CDH18: variants seen among roughly 807,000 people sequenced by gnomAD.
CDH18 encodes the protein cadherin 18, also known as cadherin-18.
In CDH18, 31 loss-of-function variants were observed where a neutral mutation model predicts 67.9. The ratio of observed to expected loss-of-function variants is 0.46; its 90% CI spans 0.34 to 0.62. The LOEUF (loss-of-function observed/expected upper bound fraction) is 0.62. Ranked by LOEUF, CDH18 falls within the 20% of genes least tolerant of loss-of-function variation. The pLI is 0.01. For missense variants in CDH18, 890 were observed against 975.5 expected (o/e 0.91, Z 1.17); for synonymous variants, 362 against 347.2 (o/e 1.04, Z -0.48).
At chr5:19,979,565 T>C (rs1311954708) in intron 2 of CDH18, among the ~76,000 whole-genome samples, 1 of 152,096 alleles carries the variant, frequency 6.6e-6, no homozygotes, top group Non-Finnish European at 1.5e-5. Context: ...GTAGCATAAA[T>C]TGAGGTTGAC....
chr5:19,756,549 T>TAA, intron 3 of CDH18, among the ~76,000 whole-genome samples: 1 of 152,212 alleles, frequency 6.6e-6, no homozygotes, highest in African/African-American at 2.4e-5. Flanking sequence ...CAAATGGATC[T>TAA]CCTGTATCCC....
chr5:20,166,439 CAAA>C (rs796889478), intron 2 of CDH18, among the ~76,000 whole-genome samples: 1 of 74,756 alleles, frequency 1.3e-5, no homozygotes, highest in Non-Finnish European at 2.5e-5. Context: ...GACTCTGTCT[CAAA>C]AAAAAAAAAA....
intron 1 of CDH18, among the ~76,000 whole-genome samples, chr5:20,418,017 G>C (rs577715043): frequency 6.6e-6 from 1 of 152,032 alleles, no homozygotes; most frequent in Non-Finnish European, 1.5e-5. Context: ...AATGAGGAAC[G>C]GGGAAGTTGA....
chr5:19,503,552 T>C (rs1177261301), intron 10 of CDH18, among the ~76,000 whole-genome samples: 1 of 152,088 alleles, frequency 6.6e-6, no homozygotes, highest in Non-Finnish European at 1.5e-5. Flanking sequence ...GTTTTATTAT[T>C]TTTTTCAGGA....
intron 3 of CDH18, among the ~76,000 whole-genome samples, chr5:19,756,050 C>T (rs1179571984): frequency 6.6e-6 from 1 of 152,116 alleles, no homozygotes; most frequent in African/African-American, 2.4e-5. Flanking sequence ...TGAACCCACA[C>T]ACATCTCCTG....
rs58308147 is a variant in CDH18, at chr5:20,418,242, ATTTTTTTTTTTTTT to A, written c.-580+157206_-580+157219del. Among the ~76,000 whole-genome samples, 238 of 56,930 alleles carry A rather than the reference ATTTTTTTTTTTTTT, an allele frequency of 4.2e-3. 4 individuals are homozygous for A. Among genetic ancestry groups the A allele is most frequent in the African/African-American group, 0.019 (230 of 12,058 alleles). 37.3% of individuals were successfully genotyped at this position (56,930 alleles called of 152,430 possible). On this transcript the variant is annotated intron_variant, in intron 1 of 14. Transcript: ENST00000507958. ...AGGTGTCTGCCACCACTGCTGGCTA[ATTTTTTTTTTTTTT>A]TTTTTTTTTTGTATTTTCAGTAGAG... is the stretch of plus-strand genomic sequence containing the variant.
At chr5:20,474,857 C>A (rs549635586) in intron 1 of CDH18, among the ~76,000 whole-genome samples, 44 of 152,282 alleles carry the variant, frequency 2.9e-4, no homozygotes, top group African/African-American at 1.0e-3. Flanking sequence ...ACCAAATAAC[C>A]TCTAAGACTC....
intron 2 of CDH18, among the ~76,000 whole-genome samples, chr5:20,239,642 A>T (rs1742739204): frequency 6.6e-6 from 1 of 152,162 alleles, no homozygotes; most frequent in South Asian, 2.1e-4. Context: ...GTCTATATTT[A>T]TTTCAAATTG....
At chr5:20,013,701 C>G (rs1737650138) in intron 2 of CDH18, among the ~76,000 whole-genome samples, 1 of 152,016 alleles carries the variant, frequency 6.6e-6, no homozygotes, top group African/African-American at 2.4e-5. Context: ...CATCAGAATA[C>G]AATTTGGGTG....
chr5:19,975,277 TTG>T (rs1161883989), intron 2 of CDH18, among the ~76,000 whole-genome samples: 1 of 152,134 alleles, frequency 6.6e-6, no homozygotes, highest in African/African-American at 2.4e-5. Flanking sequence ...TTGTATATTT[TTG>T]TACAATGAAA....
chr5:20,121,030 G>A lies in CDH18; in HGVS notation c.-517-129016C>T, dbSNP rs142358926. On this transcript the variant is annotated intron_variant, in intron 2 of 14. Transcript: ENST00000507958. ...ACCACAACTTTAAGAGGAAAATTGC[G>A]CATCCCATGAATTAAAATCTGAAAA... 1.9e-4 allele frequency among the ~76,000 whole-genome samples: 29 copies of A among 152,132 alleles called. No individual in the cohort carries two copies. The East Asian group carries it at 3.5e-3, about 18-fold the overall frequency.
chr5:19,655,986 CT>C (rs963093504), intron 5 of CDH18, among the ~76,000 whole-genome samples: 1,311 of 103,668 alleles, frequency 0.013, 12 homozygotes, highest in African/African-American at 0.04. Flanking sequence ...CTACTCACTT[CT>C]TTTTTTTTTT....
At chr5:19,550,181 T>C (rs1737153678) in intron 8 of CDH18, among the ~76,000 whole-genome samples, 2 of 151,954 alleles carry the variant, frequency 1.3e-5, no homozygotes, top group Non-Finnish European at 2.9e-5. Flanking sequence ...ATGTAGTAGG[T>C]AGGAAAGAAA....
intron 4 of CDH18, among the ~76,000 whole-genome samples, chr5:19,729,460 C>T (rs1330684026): frequency 1.3e-5 from 2 of 152,166 alleles, no homozygotes; most frequent in African/African-American, 4.8e-5. Flanking sequence ...TTACTTGACC[C>T]AGTCAAGATC....
intron 4 of CDH18, 32 bp downstream of exon 4, chr5:19,746,910 A>C: frequency 6.3e-7 from 1 of 1,578,308 alleles, no homozygotes; most frequent in South Asian, 1.1e-5. Flanking sequence ...TTAATATGTT[A>C]ATTGCATAAT....
At chr5:20,198,044 G>A (rs1508583) in intron 2 of CDH18, among the ~76,000 whole-genome samples, 77,427 of 151,940 alleles carry the variant, frequency 0.51, 20,120 homozygotes, top group Middle Eastern at 0.65. Context: ...GTGAAGAGGT[G>A]CCTGCCACCC....
chr5:19,477,129 G>GATATATATATATATTTAT (rs1554021360), intron 12 of CDH18, among the ~76,000 whole-genome samples: 1 of 146,978 alleles, frequency 6.8e-6, no homozygotes, highest in African/African-American at 2.5e-5. Flanking sequence ...AATAAAAGGA[G>GATATATATATATATTTAT]ATATATATAT....
chr5:20,201,496 T>A (rs1739442770), intron 2 of CDH18, among the ~76,000 whole-genome samples: 1 of 140,328 alleles, frequency 7.1e-6, no homozygotes, highest in Non-Finnish European at 1.5e-5. Flanking sequence ...GAGTGAAGTG[T>A]TTTTTTTTGT....
intron 2 of CDH18, among the ~76,000 whole-genome samples, chr5:19,994,318 CATATATACATATAT>C (rs1800160059): frequency 6.6e-5 from 10 of 150,854 alleles, no homozygotes; most frequent in Non-Finnish European, 1.3e-4. Context: ...TATATGTATA[CATATATACATATAT>C]TTATACACCT....
Sources: allele counts gnomAD v4.1 joint callset (sites outside exome capture counted in the v4.1 genomes callset), GRCh38; gene constraint gnomAD v4.1.1; transcripts MANE v1.5; gene names NCBI Gene and HGNC (gene_info 2026-07-23, HGNC 2026-07-21).